Variants in GPR107 observed in about 807,000 individuals in gnomAD.
GPR107 encodes the protein protein GPR107.
Under a neutral mutation model 75.5 loss-of-function variants are expected in GPR107, and 31 were observed. The observed-to-expected ratio is 0.41, with a 90% CI of 0.31 to 0.55. The LOEUF (loss-of-function observed/expected upper bound fraction) is 0.55. Among genes scored for constraint, GPR107 ranks in the 20% least tolerant of loss-of-function variants. The pLI, the probability that GPR107 is intolerant of heterozygous loss-of-function variation, is 0.26. For synonymous variants in GPR107, 267 were observed against 251.3 expected, an observed-to-expected ratio of 1.06 and a Z score of -0.59; for missense variants, 572 against 665.7, an observed-to-expected ratio of 0.86 and a Z score of 1.55.
intron 14 of GPR107, 49 bp downstream of exon 14, chr9:130,107,588 A>G (rs1233113453): frequency 5.7e-6 from 7 of 1,223,532 alleles, no homozygotes; most frequent in Non-Finnish European, 8.5e-6. Flanking sequence ...CTCTGAACCC[A>G]CGTGCTGCGG....
rs997148896 is a variant in GPR107 at position 130,117,874 on chromosome 9, T to G, written c.1307-7041T>G. On this transcript the variant is annotated intron_variant, in intron 14 of 17. Coordinates refer to ENST00000347136, the MANE Select transcript of GPR107 (RefSeq NM_020960.5). ...TGGGCCTTTGCTTCTGTGTGCCGCA[T>G]AAATCATGTGGTGTAAACTCCTTAG... Among the ~76,000 whole-genome samples the G allele has an allele frequency of 3.9e-5, 6 of 152,168 alleles. No individual in the cohort carries two copies. In the South Asian group the frequency reaches 6.2e-4, roughly 16 times the overall value.
intron 2 of GPR107, among the ~76,000 whole-genome samples, chr9:130,076,077 G>T (rs1468390369): frequency 7.2e-5 from 11 of 151,920 alleles, no homozygotes. Flanking sequence ...ACTGCGCCCA[G>T]CCCAGGGGTT....
intron 14 of GPR107, among the ~76,000 whole-genome samples, chr9:130,119,217 C>T (rs1831495373): frequency 6.6e-6 from 1 of 152,214 alleles, no homozygotes; most frequent in African/African-American, 2.4e-5. Context: ...TCCACCCCTG[C>T]TCGGCATCCT....
At position 130,054,325 on chromosome 9, in the gene GPR107, C is replaced by T. The variant is rs544855016; in HGVS notation, c.141+252C>T. On this transcript the variant is annotated intron_variant, in intron 1 of 17. Transcript: ENST00000347136. ...GAAGGGGCTGAACTGTGGCGTTGCC[C>T]CCACGGACTCGGGAGGCTGCTCTTA... 6.6e-5 allele frequency among the ~76,000 whole-genome samples: 10 copies of T among 152,342 alleles called. 1 individual carries two copies. Among genetic ancestry groups the T allele is most frequent in the African/African-American group, 2.2e-4 (9 of 41,576 alleles).
chr9:130,123,462 A>G (rs1831598601), intron 14 of GPR107, among the ~76,000 whole-genome samples: 1 of 151,736 alleles, frequency 6.6e-6, no homozygotes, highest in Non-Finnish European at 1.5e-5. Context: ...TCGGCCTCCC[A>G]AAGTGCTGGG....
intron 15 of GPR107, 125 bp downstream of exon 15, chr9:130,125,089 G>GTTTTTTTT: frequency 9.9e-6 from 1 of 100,658 alleles, no homozygotes; most frequent in Non-Finnish European, 1.7e-5. Context: ...AGTGTGGCTT[G>GTTTTTTTT]CTTTTTTTTT....
chr9:130,124,836 T>G (rs1831632988), intron 14 of GPR107, 79 bp from the exon 15 acceptor site: 1 of 830,630 alleles, frequency 1.2e-6, no homozygotes, highest in Non-Finnish European at 2.0e-6. Flanking sequence ...GCCTCTTGAC[T>G]GAGAAGGTAT....
intron 1 of GPR107, among the ~76,000 whole-genome samples, chr9:130,069,996 TTTTTTTTTTTTTTTTA>T (rs1830163053): frequency 5.4e-5 from 2 of 37,328 alleles, no homozygotes; most frequent in East Asian, 1.4e-3. Flanking sequence ...TTTTTTTTTT[TTTTTTTTTTTTTTTTA>T]AATTTTTTTG....
intron 9 of GPR107, among the ~76,000 whole-genome samples, chr9:130,095,396 C>A (rs573893331): frequency 6.6e-6 from 1 of 152,026 alleles, no homozygotes; most frequent in South Asian, 2.1e-4. Context: ...TAACAGTTTT[C>A]TTTATTTTAT....
At chr9:130,115,180 A>G (rs765299258) in intron 14 of GPR107, among the ~76,000 whole-genome samples, 35 of 152,340 alleles carry the variant, frequency 2.3e-4, no homozygotes, top group Non-Finnish European at 4.3e-4. Context: ...AGTGAGAGAT[A>G]TAGACTTCCC....
At chr9:130,087,466 T>A (rs1564668848) in intron 7 of GPR107, among the ~76,000 whole-genome samples, 3 of 151,698 alleles carry the variant, frequency 2.0e-5, no homozygotes. Context: ...CCAGGAGTTT[T>A]GAGACCAGCC....
intron 9 of GPR107, among the ~76,000 whole-genome samples, chr9:130,096,043 CA>C (rs34863341): frequency 0.59 from 90,006 of 151,924 alleles, 26,678 homozygotes; most frequent in East Asian, 0.79. Context: ...AGGCCCCTCC[CA>C]ACTTCAAGTG....
intron 14 of GPR107, among the ~76,000 whole-genome samples, chr9:130,114,026 A>ATTATTTTT: frequency 1.3e-5 from 1 of 75,420 alleles, no homozygotes; most frequent in Non-Finnish European, 2.9e-5. Flanking sequence ...TGGTCTTCTC[A>ATTATTTTT]TTCTTTTTTT....
Position 130,136,419 on chromosome 9 carries a change from G to A in GPR107, c.*1298G>A, listed in dbSNP as rs1436912970. 1.3e-5 allele frequency: 2 copies of A among 152,218 alleles called. No homozygotes were observed. The highest frequency in any genetic ancestry group is 2.9e-5 in the Non-Finnish European group (2 of 68,046). 9.4% of individuals were successfully genotyped at this position (152,218 alleles called of 1,614,324 possible). A position where few individuals can be genotyped will look rare whatever the true frequency, so the allele number is the denominator to read the frequency against. The stretch of plus-strand genomic sequence containing the variant: ...AGGAGACCAAAACATGGCCCCATCA[G>A]GGAAGCTTCTTAATGCTTGGGGGGC... On this transcript the variant is annotated 3_prime_UTR_variant, in exon 18 of 18. Transcript: ENST00000347136.
At position 130,139,882 on chromosome 9, in the gene GPR107, A is replaced by G. The variant is rs1832057839; in HGVS notation, c.*4761A>G. 1 of 152,206 alleles carries G rather than the reference A, an allele frequency of 6.6e-6. No homozygotes were observed. The highest frequency in any genetic ancestry group is 6.5e-5 in the Admixed American group (1 of 15,284). The allele number at this position is 152,206 out of a possible 1,614,324, so 9.4% of individuals were successfully genotyped here. A position where few individuals can be genotyped will look rare whatever the true frequency, so the allele number is the denominator to read the frequency against. ...ACAGCTTTTGCAGATCGTAAATTGC[A>G]TTTGCCTAGTCGTGTGACCTCAAAA... On this transcript the variant is annotated 3_prime_UTR_variant, in exon 18 of 18. Transcript: ENST00000347136.
intron 14 of GPR107, among the ~76,000 whole-genome samples, chr9:130,110,130 G>A (rs1475522548): frequency 6.6e-6 from 1 of 152,106 alleles, no homozygotes. Flanking sequence ...CCTCCATCTT[G>A]CTTTAGCGAG....
intron 14 of GPR107, among the ~76,000 whole-genome samples, chr9:130,109,571 CTTTTTT>C (rs869222805): frequency 1.7e-5 from 1 of 60,498 alleles, no homozygotes; most frequent in South Asian, 6.2e-4. Flanking sequence ...CTTTTTCTTT[CTTTTTT>C]TTTTTTTTTG....
intron 14 of GPR107, among the ~76,000 whole-genome samples, chr9:130,117,887 G>A (rs1004289040): frequency 6.6e-6 from 1 of 152,144 alleles, no homozygotes; most frequent in Non-Finnish European, 1.5e-5. Context: ...ATCATGTGGT[G>A]TAAACTCCTT....
At position 130,135,879 on chromosome 9, in the gene GPR107, T is replaced by C. The variant is rs182853242; in HGVS notation, c.*758T>C. ...ATGTTGCCTGATGGATGGAAAGAAATGTATTTTTAAGTTCAAAAAGCATTA... is the reference window on the plus strand; with the variant it reads ...ATGTTGCCTGATGGATGGAAAGAAACGTATTTTTAAGTTCAAAAAGCATTA... On this transcript the variant is annotated 3_prime_UTR_variant, in exon 18 of 18. Coordinates refer to ENST00000347136, the MANE Select transcript of GPR107 (RefSeq NM_020960.5). The C allele has an allele frequency of 6.6e-6, 1 of 152,302 alleles. No homozygotes were observed. Among genetic ancestry groups the C allele is most frequent in the Non-Finnish European group, 1.5e-5 (1 of 68,068 alleles). The allele number at this position is 152,302 out of a possible 1,614,324, so 9.4% of individuals were successfully genotyped here.
Sources: gnomAD v4.1 joint callset for allele counts (sites outside exome capture counted in the v4.1 genomes callset) on GRCh38, gnomAD v4.1.1 for gene constraint, MANE v1.5 for transcripts, NCBI Gene and HGNC (gene_info 2026-07-23, HGNC 2026-07-21) for gene names.